The following CNTN1 variants were observed in gnomAD, a reference collection of about 807,000 sequenced individuals.
The protein encoded by CNTN1 is contactin-1.
In CNTN1, 38 loss-of-function variants were observed where a neutral mutation model predicts 126.4. The observed-to-expected ratio is 0.30, with a 90% CI of 0.23 to 0.39. The LOEUF (loss-of-function observed/expected upper bound fraction) is 0.39, where lower values mean the gene tolerates loss of function less well. CNTN1 is among the 10% of genes least tolerant of loss of function. The pLI, the probability that CNTN1 is intolerant of heterozygous loss-of-function variation, is 1.00. For synonymous variants in CNTN1, 413 were observed against 422.6 expected (o/e 0.98, Z 0.28); for missense variants, 1,009 against 1,248.4 (o/e 0.81, Z 2.89).
chr12:40,948,258 CTTTT>C (rs58087551), intron 14 of CNTN1, among the ~76,000 whole-genome samples: 4 of 62,682 alleles, frequency 6.4e-5, no homozygotes, highest in Non-Finnish European at 8.5e-5. Context: ...TTCTTTCTTT[CTTTT>C]TTTTTTTTTT....
At chr12:40,746,466 A>T (rs1938189720) in intron 1 of CNTN1, among the ~76,000 whole-genome samples, 2 of 152,150 alleles carry the variant, frequency 1.3e-5, no homozygotes, top group Middle Eastern at 3.2e-3. Context: ...AGACCAAGGT[A>T]AGTTTAAGAG....
chr12:40,876,208 A>T (rs550250700), intron 1 of CNTN1, among the ~76,000 whole-genome samples: 1 of 152,114 alleles, frequency 6.6e-6, no homozygotes, highest in East Asian at 1.9e-4. Flanking sequence ...AAGGAAATTA[A>T]TATCTGTATG....
chr12:40,821,338 G>A (rs1038945868), intron 1 of CNTN1, among the ~76,000 whole-genome samples: 1 of 152,172 alleles, frequency 6.6e-6, no homozygotes, highest in East Asian at 1.9e-4. Flanking sequence ...TTAAATATGA[G>A]TTGAATATGC....
At chr12:40,781,536 G>A (rs1390052765) in intron 1 of CNTN1, among the ~76,000 whole-genome samples, 2 of 151,968 alleles carry the variant, frequency 1.3e-5, no homozygotes, top group African/African-American at 4.8e-5. Flanking sequence ...AAACTTAAAT[G>A]TGGTACAAAT....
intron 1 of CNTN1, among the ~76,000 whole-genome samples, chr12:40,883,945 T>C (rs1189818177): frequency 1.3e-5 from 2 of 151,592 alleles, no homozygotes; most frequent in Non-Finnish European, 3.0e-5. Flanking sequence ...TCTATTAAAG[T>C]AATATATCCT....
intron 1 of CNTN1, among the ~76,000 whole-genome samples, chr12:40,860,517 G>T (rs557871078): frequency 6.6e-6 from 1 of 151,992 alleles, no homozygotes. Flanking sequence ...TCTGATCAAC[G>T]GGCTACAAAT....
chr12:40,718,787 C>G lies in CNTN1; in HGVS notation c.-77+26195C>G, dbSNP rs188894889. On this transcript the variant is annotated intron_variant, in intron 1 of 23. Coordinates refer to ENST00000551295, the MANE Select transcript of CNTN1 (RefSeq NM_001843.4). Reference sequence around the variant, plus strand: ...ATAGGGCTGGGATTCTGAGTCACATCTGATGGACGTCACACCTGCCCTTCA... The same window carrying G: ...ATAGGGCTGGGATTCTGAGTCACATGTGATGGACGTCACACCTGCCCTTCA... Among the ~76,000 whole-genome samples, 16 of 152,302 alleles carry G rather than the reference C, an allele frequency of 1.1e-4. No individual in the cohort carries two copies. The East Asian group carries it at 1.7e-3, about 17-fold the overall frequency.
At chr12:40,727,366 C>A (rs1282254505) in intron 1 of CNTN1, among the ~76,000 whole-genome samples, 2 of 150,968 alleles carry the variant, frequency 1.3e-5, no homozygotes, top group East Asian at 3.9e-4. Context: ...AAATACTCAA[C>A]AGAATTCAAA....
At chr12:40,998,773 A>G (rs944431220) in intron 17 of CNTN1, among the ~76,000 whole-genome samples, 5 of 152,262 alleles carry the variant, frequency 3.3e-5, no homozygotes, top group Non-Finnish European at 7.4e-5. Flanking sequence ...AAACTAGAGC[A>G]CTATTTACAT....
chr12:40,740,167 A>G (rs1821160815), intron 1 of CNTN1, among the ~76,000 whole-genome samples: 1 of 152,042 alleles, frequency 6.6e-6, no homozygotes, highest in Non-Finnish European at 1.5e-5. Flanking sequence ...CATGTTATAA[A>G]TCTACTGTAA....
chr12:40,806,757 C>T (rs2136495143), intron 1 of CNTN1, among the ~76,000 whole-genome samples: 1 of 152,210 alleles, frequency 6.6e-6, no homozygotes, highest in African/African-American at 2.4e-5. Flanking sequence ...CATATTGTCC[C>T]TAGTGTGGCA....
chr12:40,771,573 T>C (rs571072762), intron 1 of CNTN1, among the ~76,000 whole-genome samples: 2 of 151,970 alleles, frequency 1.3e-5, no homozygotes, highest in East Asian at 1.9e-4. Context: ...AAGTCCTCAA[T>C]TCAGGATTAG....
At chr12:40,749,241 T>A (rs944787765) in intron 1 of CNTN1, among the ~76,000 whole-genome samples, 2 of 152,112 alleles carry the variant, frequency 1.3e-5, no homozygotes, top group Non-Finnish European at 2.9e-5. Flanking sequence ...AAATTAATAG[T>A]CATTGATTTC....
intron 1 of CNTN1, among the ~76,000 whole-genome samples, chr12:40,870,225 A>G (rs1402093164): frequency 3.3e-5 from 5 of 151,964 alleles, no homozygotes; most frequent in Non-Finnish European, 7.4e-5. Flanking sequence ...CAGCATAAAA[A>G]TTGACCAATA....
At chr12:40,695,521 C>A (rs1483788719) in intron 1 of CNTN1, among the ~76,000 whole-genome samples, 5 of 151,702 alleles carry the variant, frequency 3.3e-5, no homozygotes, top group South Asian at 2.1e-4. Flanking sequence ...TGCCTTATTT[C>A]AAAAAAAATC....
At position 40,908,375 on chromosome 12, in the gene CNTN1, C is replaced by A; in HGVS notation, c.-58C>A. ...GATGCAGGTGTTTAAAATTATCCAA[C>A]TGCCATAGAGCTAAATTCTTTTTTG... On this transcript the variant is annotated 5_prime_UTR_variant, in exon 2 of 24. It adds an upstream start codon to the 5' untranslated region. Transcript: ENST00000551295. The A allele has an allele frequency of 1.5e-6, 2 of 1,300,512 alleles. No homozygotes were observed. Among genetic ancestry groups the A allele is most frequent in the South Asian group, 2.4e-5 (2 of 83,690 alleles). 80.6% of individuals were successfully genotyped at this position (1,300,512 alleles called of 1,614,324 possible). A position where few individuals can be genotyped will look rare whatever the true frequency, so the allele number is the denominator to read the frequency against.
intron 9 of CNTN1, 129 bp from the exon 10 acceptor site, chr12:40,936,652 G>T (rs1448783601): frequency 9.6e-6 from 11 of 1,142,858 alleles, no homozygotes; most frequent in Non-Finnish European, 1.3e-5. Flanking sequence ...CTATTACTGA[G>T]TTCAGGATGC....
chr12:40,792,212 G>A (rs954177061), intron 1 of CNTN1, among the ~76,000 whole-genome samples: 1 of 151,898 alleles, frequency 6.6e-6, no homozygotes, highest in Admixed American at 6.6e-5. Flanking sequence ...GGGAGAAATG[G>A]GACCCAGCAG....
At chr12:41,038,343 T>C (rs1372930161) in intron 23 of CNTN1, among the ~76,000 whole-genome samples, 1 of 152,096 alleles carries the variant, frequency 6.6e-6, no homozygotes, top group African/African-American at 2.4e-5. Flanking sequence ...GTGGCTTTGT[T>C]CATTTTCTCA....
Sources: gnomAD v4.1 joint callset for allele counts (sites outside exome capture counted in the v4.1 genomes callset) on GRCh38, gnomAD v4.1.1 for gene constraint, MANE v1.5 for transcripts, NCBI Gene and HGNC (gene_info 2026-07-23, HGNC 2026-07-21) for gene names.